Variants in USP15 observed in about 807,000 individuals in gnomAD.
USP15 encodes ubiquitin carboxyl-terminal hydrolase 15.
USP15 carries 18 observed loss-of-function variants against 127.1 expected under a neutral mutation model. That is an observed-to-expected ratio of 0.14 (90% confidence interval 0.10 to 0.21). The LOEUF (loss-of-function observed/expected upper bound fraction) is 0.21. Among genes scored for constraint, USP15 ranks in the 10% least tolerant of loss-of-function variants. USP15 has a pLI of 1.00. For synonymous variants in USP15, 364 were observed against 393.7 expected, an observed-to-expected ratio of 0.92 and a Z score of 0.89; for missense variants, 805 against 1,159.9, an observed-to-expected ratio of 0.69 and a Z score of 4.44.
intron 3 of USP15, 40 bp downstream of exon 3, chr12:62,302,960 T>C: frequency 6.3e-7 from 1 of 1,578,598 alleles, no homozygotes. Flanking sequence ...ATTATTTTTC[T>C]TGATTAGTTC....
intron 6 of USP15, chr12:62,336,538 T>C (rs1385788820): frequency 2.1e-6 from 2 of 941,390 alleles, no homozygotes; most frequent in Non-Finnish European, 2.5e-6. Flanking sequence ...ACTTCTGTTA[T>C]ATGGGTTATA....
intron 11 of USP15, among the ~76,000 whole-genome samples, chr12:62,387,039 A>T (rs1189044759): frequency 6.6e-6 from 1 of 152,154 alleles, no homozygotes; most frequent in Admixed American, 6.5e-5. Context: ...AGGAAGAACA[A>T]GTTGAAGAAG....
intron 6 of USP15, among the ~76,000 whole-genome samples, chr12:62,331,151 C>T (rs1041881728): frequency 3.3e-5 from 5 of 152,150 alleles, no homozygotes; most frequent in Admixed American, 6.5e-5. Context: ...ATATATATCA[C>T]TAACCTGGAA....
intron 8 of USP15, among the ~76,000 whole-genome samples, chr12:62,356,323 A>G (rs2066129936): frequency 6.6e-6 from 1 of 151,882 alleles, no homozygotes; most frequent in Non-Finnish European, 1.5e-5. Flanking sequence ...AAAGATATAG[A>G]TTAAATGCAG....
chr12:62,406,077 A>G lies in USP15; in HGVS notation c.*1702A>G, dbSNP rs1232493875. On this transcript the variant is annotated 3_prime_UTR_variant, in exon 22 of 22. Coordinates refer to ENST00000280377, the MANE Select transcript of USP15 (RefSeq NM_001252078.2). ...ACTTGAGTTTACATTTGAAATGTGC[A>G]TGTTTATTTATATAGATTTCAATAA... 6.6e-6 allele frequency: 1 copy of G among 151,046 alleles called. No individual in the cohort carries two copies. The highest frequency in any genetic ancestry group is 1.5e-5 in the Non-Finnish European group (1 of 67,772). The allele number at this position is 151,046 out of a possible 1,614,324, so 9.4% of individuals were successfully genotyped here. A position where few individuals can be genotyped will look rare whatever the true frequency, so the allele number is the denominator to read the frequency against.
chr12:62,413,214 C>T lies in USP15; in HGVS notation c.*8839C>T, dbSNP rs1449619845. ...AATATTTAGTAAACCTTCCTATAAA[C>T]GGATGTGCTACCATCCAGGCTTTAT... On this transcript the variant is annotated 3_prime_UTR_variant, in exon 22 of 22. Transcript: ENST00000280377. 1 of 152,310 alleles carries T rather than the reference C, an allele frequency of 6.6e-6. No homozygotes were observed. The highest frequency in any genetic ancestry group is 2.1e-4 in the South Asian group (1 of 4,828). The allele number at this position is 152,310 out of a possible 1,614,324, so 9.4% of individuals were successfully genotyped here.
At chr12:62,322,476 G>A (rs149137277) in intron 5 of USP15, among the ~76,000 whole-genome samples, 476 of 150,402 alleles carry the variant, frequency 3.2e-3, no homozygotes, top group African/African-American at 0.01. Flanking sequence ...AAGAGGTTTA[G>A]TCACTGTCAG....
At chr12:62,390,096 C>G in intron 14 of USP15, 108 bp downstream of exon 14, 3 of 1,141,432 alleles carry the variant, frequency 2.6e-6, no homozygotes, top group South Asian at 2.4e-5. Context: ...TTATTCAAGT[C>G]TGTATTATCT....
At chr12:62,336,040 C>T in intron 6 of USP15, 15 of 984,692 alleles carry the variant, frequency 1.5e-5, no homozygotes, top group Non-Finnish European at 1.7e-5. Context: ...GTGATAGGCC[C>T]TCCTTGGCAC....
chr12:62,385,264 T>G (rs1230084088), intron 11 of USP15, among the ~76,000 whole-genome samples: 8 of 151,940 alleles, frequency 5.3e-5, no homozygotes. Flanking sequence ...AAAGATATGA[T>G]TCCTGCTTTA....
chr12:62,413,414 T>G lies in USP15; in HGVS notation c.*9039T>G, dbSNP rs918412523. The G allele has an allele frequency of 5.9e-5, 9 of 152,222 alleles. No homozygotes were observed. The highest frequency in any genetic ancestry group is 5.9e-4 in the Admixed American group (9 of 15,290). The allele number at this position is 152,222 out of a possible 1,614,324, so 9.4% of individuals were successfully genotyped here. A position where few individuals can be genotyped will look rare whatever the true frequency, so the allele number is the denominator to read the frequency against. On this transcript the variant is annotated 3_prime_UTR_variant, in exon 22 of 22. Transcript: ENST00000280377. ...AGCTATGAAAGTCCTGGATGACATC[T>G]TCCAACATAAGACTTTCATCTACAT...
At chr12:62,360,983 A>G (rs184679314) in intron 8 of USP15, among the ~76,000 whole-genome samples, 48 of 152,154 alleles carry the variant, frequency 3.2e-4, no homozygotes, top group Admixed American at 1.4e-3. Context: ...AATGTAAACA[A>G]CCTTACTTGC....
chr12:62,416,017 G>A lies in USP15; in HGVS notation c.*11642G>A, dbSNP rs1170470251. On this transcript the variant is annotated 3_prime_UTR_variant, in exon 22 of 22. Transcript: ENST00000280377. ...GAGAGCAAAGAGTATGGTACAGTCA[G>A]TCCACCCAGGTTGCCTGTTAACCTG... is the stretch of plus-strand genomic sequence containing the variant. 1 of 152,162 alleles carries A rather than the reference G, an allele frequency of 6.6e-6. No individual in the cohort carries two copies. Among genetic ancestry groups the A allele is most frequent in the African/African-American group, 2.4e-5 (1 of 41,440 alleles). The allele number at this position is 152,162 out of a possible 1,614,324, so 9.4% of individuals were successfully genotyped here.
intron 8 of USP15, 70 bp downstream of exon 8, chr12:62,355,545 T>C: frequency 6.8e-7 from 1 of 1,474,954 alleles, no homozygotes; most frequent in South Asian, 1.4e-5. Flanking sequence ...TAAAGTTGGG[T>C]TTTTCATGCC....
At chr12:62,343,577 A>G (rs2065715338) in intron 6 of USP15, among the ~76,000 whole-genome samples, 1 of 152,160 alleles carries the variant, frequency 6.6e-6, no homozygotes, top group Non-Finnish European at 1.5e-5. Context: ...TGCAGATTGC[A>G]AAAACCATGG....
intron 6 of USP15, among the ~76,000 whole-genome samples, chr12:62,343,517 T>C (rs761625904): frequency 1.3e-5 from 2 of 152,158 alleles, no homozygotes; most frequent in Non-Finnish European, 2.9e-5. Context: ...AGTTTTGTGC[T>C]TGAAACCCAG....
At chr12:62,357,696 G>A (rs764345964) in intron 8 of USP15, among the ~76,000 whole-genome samples, 4 of 152,090 alleles carry the variant, frequency 2.6e-5, no homozygotes, top group Admixed American at 6.6e-5. Flanking sequence ...AGAAAAATGA[G>A]TTTTTACTTG....
At chr12:62,392,746 T>C (rs1475994251) in intron 18 of USP15, among the ~76,000 whole-genome samples, 6 of 152,164 alleles carry the variant, frequency 3.9e-5, no homozygotes, top group African/African-American at 1.4e-4. Flanking sequence ...TTTGAGATTT[T>C]CTAATACCTG....
At chr12:62,332,642 A>G (rs1592606887) in intron 6 of USP15, among the ~76,000 whole-genome samples, 1 of 152,194 alleles carries the variant, frequency 6.6e-6, no homozygotes, top group Admixed American at 6.5e-5. Flanking sequence ...AATAAGAGTC[A>G]TTGATGATTT....
Sources: gnomAD v4.1 joint callset for allele counts (sites outside exome capture counted in the v4.1 genomes callset) on GRCh38, gnomAD v4.1.1 for gene constraint, MANE v1.5 for transcripts, NCBI Gene and HGNC (gene_info 2026-07-23, HGNC 2026-07-21) for gene names.